TYMP: variants seen among roughly 807,000 people sequenced by gnomAD.
TYMP encodes the protein gliostatin.
Under a neutral mutation model 42.3 loss-of-function variants are expected in TYMP, and 46 were observed. That is an observed-to-expected ratio of 1.09 (90% CI 0.86 to 1.39). TYMP has a LOEUF of 1.39. Ranked by LOEUF, TYMP falls within the 40% of genes most tolerant of loss-of-function variation. The pLI is 0.00. For synonymous variants in TYMP, 363 were observed against 308.0 expected, an observed-to-expected ratio of 1.18 and a Z score of -1.87; for missense variants, 837 against 677.6, an observed-to-expected ratio of 1.24 and a Z score of -2.61.
rs371027455 is a variant in TYMP, at chr22:50,527,255, C to T, written c.675G>A (p.Glu225=). 1 of 1,613,754 alleles carries T rather than the reference C, an allele frequency of 6.2e-7. No homozygotes were observed. Among genetic ancestry groups the T allele is most frequent in the Non-Finnish European group, 8.5e-7 (1 of 1,179,982 alleles). The change falls in exon 6 of 10, where the codon GAG becomes GAA. Residue 225 remains glutamate (E), a synonymous_variant. Transcript: ENST00000252029. ...TASILSKKLV[E]GLSALVVDVK... ...CGTCCACCACCAGAGCGGACAGCCCCTCCACGAGTTTCTTACTGAGAATGG... is the reference window on the plus strand; with the variant it reads ...CGTCCACCACCAGAGCGGACAGCCCTTCCACGAGTTTCTTACTGAGAATGG...
At position 50,526,578 on chromosome 22, in the gene TYMP, A is replaced by G; in HGVS notation, c.926T>C (p.Leu309Pro). Residue 309 changes from leucine (L) to proline (P), a missense_variant and splice_region_variant, in exon 7 of 10, where the codon CTC (leucine) becomes CCC (proline). Leu to Pro is a moderately conservative substitution (Grantham distance 98). Transcript: ENST00000252029. Reference sequence around the variant, plus strand: ...CCCCTACACCCCGTCCCCCTCACCGAGCGTGGTGACCAGGTCCCTTAAGTC... The same window carrying G: ...CCCCTACACCCCGTCCCCCTCACCGGGCGTGGTGACCAGGTCCCTTAAGTC... Reference protein sequence around the residue: ...PPDLRDLVTTLGGALLWLSGH... With the variant: ...PPDLRDLVTTPGGALLWLSGH... 6.4e-7 allele frequency: 1 copy of G among 1,573,444 alleles called. No homozygotes were observed. The highest frequency in any genetic ancestry group is 8.6e-7 in the Non-Finnish European group (1 of 1,160,594).
rs767852785 is a variant in TYMP, at chr22:50,525,804, G to A, written c.1415C>T (p.Pro472Leu). Residue 472 changes from proline to leucine, a missense_variant, in exon 10 of 10, where the codon CCC (proline) becomes CTC (leucine). By Grantham distance (98) the Pro-to-Leu change is moderately conservative. Coordinates refer to ENST00000252029, the MANE Select transcript of TYMP (RefSeq NM_001953.5). ...CGGCGGCAGAACGAGCTCTGCGAAGGGCGAGGGGGCGGCGAATGGCGCGCG... is the reference window on the plus strand; with the variant it reads ...CGGCGGCAGAACGAGCTCTGCGAAGAGCGAGGGGGCGGCGAATGGCGCGCG... ...SDRAPFAAPS[P>L]FAELVLPPQQ The A allele has an allele frequency of 2.5e-6, 4 of 1,610,764 alleles. No individual in the cohort carries two copies. Among genetic ancestry groups the A allele is most frequent in the South Asian group, 2.2e-5 (2 of 91,032 alleles).
At position 50,526,682 on chromosome 22, in the gene TYMP, G is replaced by C. The variant is rs760347953; in HGVS notation, c.822C>G (p.Asp274Glu). Residue 274 changes from aspartate (D) to glutamate (E), a missense_variant, in exon 7 of 10, where the codon GAC becomes GAG. Transcript: ENST00000252029. The part of the protein sequence containing the change: ...LRVAAALTAM[D>E]KPLGRCVGHA... ...GGCCCACGCAGCGACCCAGGGGCTT[G>C]TCCATGGCGGTCAGCGCTGCCGCGA... The C allele has an allele frequency of 1.4e-5, 21 of 1,546,832 alleles. No homozygotes were observed. The highest frequency in any genetic ancestry group is 1.8e-5 in the Non-Finnish European group (21 of 1,149,658).
chr22:50,528,687 A>G (rs2069482722), intron 3 of TYMP, 77 bp from the exon 4 acceptor site: 1 of 1,168,206 alleles, frequency 8.6e-7, no homozygotes, highest in Middle Eastern at 2.0e-4. Flanking sequence ...TTCCCTGGCT[A>G]GGAGTGCAGC....
At chr22:50,529,088 C>G (rs776153085) in intron 3 of TYMP, 48 bp downstream of exon 3, 4 of 1,593,214 alleles carry the variant, frequency 2.5e-6, no homozygotes, top group Middle Eastern at 1.7e-4. Flanking sequence ...GGACTGGTTG[C>G]TGCATGTGCG....
intron 5 of TYMP, 35 bp from the exon 6 acceptor site, chr22:50,527,318 A>C (rs2069427067): frequency 6.5e-7 from 1 of 1,544,644 alleles, no homozygotes; most frequent in African/African-American, 1.4e-5. Flanking sequence ...GAGACAATGG[A>C]GAACCTGGAG....
intron 3 of TYMP, 174 bp from the exon 4 acceptor site, chr22:50,528,784 T>C (rs775114563): frequency 2.3e-5 from 15 of 666,168 alleles, no homozygotes; most frequent in Non-Finnish European, 4.1e-5. Flanking sequence ...GAAGTGTCAG[T>C]AGGGGAGGAG....
rs748898877 is a variant in TYMP, at chr22:50,526,116, C to T, written c.1185G>A (p.Leu395=). 104 of 1,488,772 alleles carry T rather than the reference C, an allele frequency of 7.0e-5. No homozygotes were observed. Among genetic ancestry groups the T allele is most frequent in the East Asian group, 5.6e-5 (2 of 35,478 alleles). 92.2% of individuals were successfully genotyped at this position (1,488,772 alleles called of 1,614,324 possible). The change falls in exon 9 of 10, where the codon CTG becomes CTA. Residue 395 remains leucine (L), a synonymous_variant. Transcript: ENST00000252029. ...ADGTVELVRA[L]PLALVLHELG... ...GCTCGTGCAGCACCAGCGCCAGCGGCAGCGCCCGGACCAGCTCCACGGTGC... is the reference window on the plus strand; with the variant it reads ...GCTCGTGCAGCACCAGCGCCAGCGGTAGCGCCCGGACCAGCTCCACGGTGC...
chr22:50,528,244 A>T (rs1427012874), intron 4 of TYMP: 1 of 524,534 alleles, frequency 1.9e-6, no homozygotes, highest in Non-Finnish European at 3.5e-6. Context: ...GGTTCAAGGG[A>T]TCTGCCCTCT....
At chr22:50,529,075 G>A (rs2069494490) in intron 3 of TYMP, 61 bp downstream of exon 3, 1 of 1,564,462 alleles carries the variant, frequency 6.4e-7, no homozygotes, top group Admixed American at 1.7e-5. Flanking sequence ...GCTGCCTGTG[G>A]ATGGACTGGT....
chr22:50,529,711 GCTCCGGGC>G lies in TYMP; in HGVS notation c.-10_-3del. 1 of 1,608,514 alleles carries G rather than the reference GCTCCGGGC, an allele frequency of 6.2e-7. No individual in the cohort carries two copies. On this transcript the variant is annotated splice_region_variant and 5_prime_UTR_variant, in exon 2 of 10. Coordinates refer to ENST00000252029, the MANE Select transcript of TYMP (RefSeq NM_001953.5). The stretch of plus-strand genomic sequence containing the variant: ...TCCCGGGGTCATCAAGGCTGCCATC[GCTCCGGGC>G]CTGCGGGGATGCCTGACACGTCCGG...
intron 5 of TYMP, 136 bp from the exon 6 acceptor site, chr22:50,527,419 G>T: frequency 7.9e-7 from 1 of 1,258,528 alleles, no homozygotes; most frequent in Non-Finnish European, 1.2e-6. Context: ...GGCAGCACCT[G>T]GTGGGTTGAG....
Position 50,526,880 on chromosome 22 carries a change from A to T in TYMP, c.766-142T>A, listed in dbSNP as rs540683865. 6.4e-5 allele frequency: 58 copies of T among 903,820 alleles called. 1 individual carries two copies. The East Asian group carries it at 1.2e-3, about 19-fold the overall frequency. 56.0% of individuals were successfully genotyped at this position (903,820 alleles called of 1,614,324 possible). A position where few individuals can be genotyped will look rare whatever the true frequency, so the allele number is the denominator to read the frequency against. ...GGAAGGATTGGGGTGGGGAAGAGAC[A>T]CGAGTGAAGTGCGACACCTCGCCAT... On this transcript the variant is annotated intron_variant, in intron 6 of 9. Coordinates refer to ENST00000252029, the MANE Select transcript of TYMP (RefSeq NM_001953.5).
intron 8 of TYMP, 21 bp downstream of exon 8, chr22:50,526,225 G>A (rs756011288): frequency 1.3e-6 from 2 of 1,517,990 alleles, no homozygotes; most frequent in Admixed American, 2.0e-5. Flanking sequence ...GCGGAAGGAC[G>A]GGGACTCCCC....
At chr22:50,528,288 A>C (rs2069467794) in intron 4 of TYMP, 1 of 607,732 alleles carries the variant, frequency 1.6e-6, no homozygotes, top group Non-Finnish European at 3.0e-6. Context: ...TACAGGTGTG[A>C]GCCACCGTGC....
At chr22:50,527,366 A>G (rs1282233133) in intron 5 of TYMP, 83 bp from the exon 6 acceptor site, 1 of 1,333,080 alleles carries the variant, frequency 7.5e-7, no homozygotes, top group Non-Finnish European at 1.1e-6. Flanking sequence ...CTTTGGGGTC[A>G]GGGGCCCTGA....
intron 5 of TYMP, 58 bp from the exon 6 acceptor site, chr22:50,527,341 G>A (rs772330440): frequency 1.4e-6 from 2 of 1,464,670 alleles, no homozygotes; most frequent in Non-Finnish European, 1.9e-6. Context: ...TCTTGGGAGA[G>A]TTCGGGGATG....
At position 50,526,071 on chromosome 22, in the gene TYMP, G is replaced by A. The variant is rs1297862459; in HGVS notation, c.1230C>T (p.Arg410=). ...CCCCCAGGCGGAGCGGCTCCCCAGC[G>A]CGGCTGCGCCCGGCCCCGAGCTCGT... The part of the protein sequence containing the change: ...VLHELGAGRS[R]AGEPLRLGVG... Residue 410 remains arginine (R), a synonymous_variant, in exon 9 of 10, where the codon CGC becomes CGT. Transcript: ENST00000252029. The A allele has an allele frequency of 6.7e-7, 1 of 1,483,868 alleles. No individual in the cohort carries two copies. The highest frequency in any genetic ancestry group is 8.9e-7 in the Non-Finnish European group (1 of 1,124,936). 91.9% of individuals were successfully genotyped at this position (1,483,868 alleles called of 1,614,324 possible). A position where few individuals can be genotyped will look rare whatever the true frequency, so the allele number is the denominator to read the frequency against.
chr22:50,528,359 CTGA>C, intron 4 of TYMP, 150 bp downstream of exon 4: 1 of 734,768 alleles, frequency 1.4e-6, no homozygotes, highest in South Asian at 1.5e-5. Flanking sequence ...CAAAGTTCCA[CTGA>C]TGATTTCGGC....
Sources: allele counts gnomAD v4.1 joint callset, GRCh38; gene constraint gnomAD v4.1.1; transcripts MANE v1.5; gene names NCBI Gene and HGNC (gene_info 2026-07-23, HGNC 2026-07-21).